The following RUNX1 variants were observed in gnomAD, a reference collection of about 807,000 sequenced individuals.
RUNX1 encodes runt-related transcription factor 1.
RUNX1 carries 19 observed loss-of-function variants against 42.8 expected under a neutral mutation model. The observed-to-expected ratio is 0.44, with a 90% CI of 0.31 to 0.65. The LOEUF (loss-of-function observed/expected upper bound fraction) is 0.65, where lower values mean the gene tolerates loss of function less well. Ranked by LOEUF, RUNX1 falls within the 30% of genes least tolerant of loss-of-function variation. The pLI, the probability that RUNX1 is intolerant of heterozygous loss-of-function variation, is 0.07. For missense variants in RUNX1, 528 were observed against 672.0 expected, an observed-to-expected ratio of 0.79 and a Z score of 2.37; for synonymous variants, 271 against 289.4, an observed-to-expected ratio of 0.94 and a Z score of 0.64.
chr21:34,903,333 ATAGTT>A (rs1301384005), intron 2 of RUNX1, among the ~76,000 whole-genome samples: 1 of 152,238 alleles, frequency 6.6e-6, no homozygotes, highest in Admixed American at 6.5e-5. Flanking sequence ...GATGTACAAT[ATAGTT>A]TAATTCCTAT....
At chr21:34,841,893 G>A (rs1449575341) in intron 6 of RUNX1, among the ~76,000 whole-genome samples, 2 of 152,188 alleles carry the variant, frequency 1.3e-5, no homozygotes, top group African/African-American at 2.4e-5. Context: ...GGGTCTGTCT[G>A]CACCCATGGG....
chr21:34,949,542 A>ACCAACAT (rs1569120105), intron 2 of RUNX1, among the ~76,000 whole-genome samples: 2 of 152,254 alleles, frequency 1.3e-5, no homozygotes, highest in Non-Finnish European at 2.9e-5. Flanking sequence ...TTGAGGATGT[A>ACCAACAT]ACCTACCAGT....
intron 2 of RUNX1, among the ~76,000 whole-genome samples, chr21:35,040,532 G>C (rs976047216): frequency 2.0e-5 from 3 of 152,074 alleles, no homozygotes; most frequent in Non-Finnish European, 4.4e-5. Context: ...CCAGCATTTT[G>C]GGAGGCTGAG....
At position 34,907,278 on chromosome 21, in the gene RUNX1, T is replaced by A. The variant is rs1310349003; in HGVS notation, c.59-14315A>T. 1.3e-5 allele frequency among the ~76,000 whole-genome samples: 2 copies of A among 152,168 alleles called. No individual in the cohort carries two copies. The highest frequency in any genetic ancestry group is 4.8e-5 in the African/African-American group (2 of 41,436). On this transcript the variant is annotated intron_variant, in intron 2 of 8. Coordinates refer to ENST00000675419, the MANE Select transcript of RUNX1 (RefSeq NM_001754.5). This position sits in a 1 kb window ranked among gnomAD's most constrained non-coding sequence, Gnocchi z 5.3. ...AGACTTCTAATTTAGCAAAAAGAAG[T>A]ATGCTGCCATGTGAAAAGTTTCTAA...
In RUNX1 at chr21:35,008,456, C is replaced by T. The variant is rs117432002; in HGVS notation, c.58+40386G>A. Among the ~76,000 whole-genome samples, 144 of 152,300 alleles carry T rather than the reference C, an allele frequency of 9.5e-4. 1 individual carries two copies. The East Asian group carries it at 0.026, about 27-fold the overall frequency. ...GGCAAAGACAAGGGTCAACCTAACA[C>T]GTCTTTGGAAGGATCGATGCTCAGG... On this transcript the variant is annotated intron_variant, in intron 2 of 8. Transcript: ENST00000675419.
chr21:34,935,334 C>G (rs2058477037), intron 2 of RUNX1, among the ~76,000 whole-genome samples: 1 of 152,154 alleles, frequency 6.6e-6, no homozygotes, highest in Admixed American at 6.5e-5. Context: ...AATCCTGACT[C>G]TGATATCCAA....
intron 2 of RUNX1, among the ~76,000 whole-genome samples, chr21:34,931,404 G>T (rs541280980): frequency 3.6e-5 from 5 of 140,498 alleles, no homozygotes; most frequent in Non-Finnish European, 6.0e-5. Flanking sequence ...ATATATACAC[G>T]TGTATATATT....
At chr21:35,011,362 C>T (rs748089433) in intron 2 of RUNX1, among the ~76,000 whole-genome samples, 10 of 152,100 alleles carry the variant, frequency 6.6e-5, no homozygotes, top group African/African-American at 1.4e-4. Context: ...GCCCCAGCTC[C>T]GGGGCAGTGA....
Position 34,878,353 on chromosome 21 carries a change from A to AT in RUNX1, c.508+2203_508+2204insA, listed in dbSNP as rs1401437896. ...CTTTTGTAGCGCTGACTAAAAAAAA[A>AT]AAAAAAAATATATATATATATATAC... On this transcript the variant is annotated intron_variant, in intron 5 of 8. Coordinates refer to ENST00000675419, the MANE Select transcript of RUNX1 (RefSeq NM_001754.5). 2.3e-3 allele frequency among the ~76,000 whole-genome samples: 336 copies of AT among 148,100 alleles called. 4 individuals are homozygous for AT. The highest frequency in any genetic ancestry group is 7.9e-3 in the African/African-American group (313 of 39,854).
At chr21:34,863,787 A>G (rs118125122) in intron 5 of RUNX1, among the ~76,000 whole-genome samples, 2,723 of 152,010 alleles carry the variant, frequency 0.018, 38 homozygotes, top group Middle Eastern at 0.034. Flanking sequence ...AACTCCTGAC[A>G]TTGTGATCCG....
Position 35,048,944 on chromosome 21 carries a change from A to C in RUNX1, c.-45T>G. On this transcript the variant is annotated 5_prime_UTR_variant, in exon 2 of 9. It adds an upstream start codon to the 5' untranslated region. Coordinates refer to ENST00000675419, the MANE Select transcript of RUNX1 (RefSeq NM_001754.5). ...ACCCTCTTCTGAAGGCGGGGGACTC[A>C]ATGATTTCTTTTACCTTCGGAGCGA... 1 of 1,578,126 alleles carries C rather than the reference A, an allele frequency of 6.3e-7. No individual in the cohort carries two copies. Among genetic ancestry groups the C allele is most frequent in the Non-Finnish European group, 8.7e-7 (1 of 1,147,868 alleles).
intron 8 of RUNX1, among the ~76,000 whole-genome samples, chr21:34,795,539 C>A (rs1181936363): frequency 1.3e-5 from 2 of 152,128 alleles, no homozygotes; most frequent in African/African-American, 4.8e-5. Flanking sequence ...ATGAGGAAAC[C>A]AGGAGTCTGA....
At chr21:34,956,416 A>C (rs1247880590) in intron 2 of RUNX1, among the ~76,000 whole-genome samples, 2 of 152,218 alleles carry the variant, frequency 1.3e-5, no homozygotes, top group African/African-American at 2.4e-5. Flanking sequence ...GACAGAACAC[A>C]GTCATTTTTT....
intron 2 of RUNX1, among the ~76,000 whole-genome samples, chr21:34,977,077 A>G (rs974489437): frequency 6.6e-6 from 1 of 152,226 alleles, no homozygotes; most frequent in Non-Finnish European, 1.5e-5. Context: ...TAATTTAATA[A>G]ATTAGAGTGG....
intron 2 of RUNX1, among the ~76,000 whole-genome samples, chr21:34,939,551 G>A (rs2058511200): frequency 6.6e-6 from 1 of 152,154 alleles, no homozygotes; most frequent in South Asian, 2.1e-4. Context: ...AGAAAGAGGG[G>A]CCCTCTAGTC....
intron 3 of RUNX1, chr21:34,888,651 C>A: frequency 4.8e-6 from 5 of 1,050,312 alleles, no homozygotes; most frequent in Non-Finnish European, 5.7e-6. Context: ...CTGGGTCCGG[C>A]CGCGGGGCGC....
In RUNX1 at chr21:34,789,486, A is replaced by G. The variant is rs1207647265; in HGVS notation, c.*2649T>C. On this transcript the variant is annotated 3_prime_UTR_variant, in exon 9 of 9. Coordinates refer to ENST00000675419, the MANE Select transcript of RUNX1 (RefSeq NM_001754.5). ...CCTGGACCAGACACATGCAGTTATT[A>G]CATGATTGGCTTAAGGGTCTCATTG... The G allele has an allele frequency of 1.3e-5, 3 of 233,644 alleles. No homozygotes were observed. The Admixed American group carries it at 1.7e-4, about 13-fold the overall frequency. 14.5% of individuals were successfully genotyped at this position (233,644 alleles called of 1,614,324 possible). A position where few individuals can be genotyped will look rare whatever the true frequency, so the allele number is the denominator to read the frequency against.
intron 2 of RUNX1, among the ~76,000 whole-genome samples, chr21:34,926,800 A>C (rs945101857): frequency 6.6e-6 from 1 of 152,094 alleles, no homozygotes; most frequent in African/African-American, 2.4e-5. Context: ...GAAAGCATTT[A>C]GCTTTCACCA....
intron 6 of RUNX1, 79 bp downstream of exon 6, chr21:34,859,395 G>A (rs761817094): frequency 8.7e-7 from 1 of 1,150,888 alleles, no homozygotes; most frequent in South Asian, 1.2e-5. Context: ...CAAGGAATCT[G>A]AGACATGGTC....
Sources: allele counts gnomAD v4.1 joint callset (sites outside exome capture counted in the v4.1 genomes callset), GRCh38; gene constraint gnomAD v4.1.1; non-coding constraint Gnocchi (gnomAD v3.1); transcripts MANE v1.5; gene names NCBI Gene and HGNC (gene_info 2026-07-23, HGNC 2026-07-21).